DMD: variants seen among roughly 807,000 people sequenced by gnomAD.
DMD encodes mutant dystrophin.
In DMD, 63 loss-of-function variants were observed where a neutral mutation model predicts 330.1. The observed-to-expected ratio is 0.19, with a 90% CI of 0.16 to 0.24. The LOEUF (loss-of-function observed/expected upper bound fraction) is 0.24. Ranked by LOEUF, DMD falls within the 10% of genes least tolerant of loss-of-function variation. The probability of loss-of-function intolerance (pLI) is 1.00; values close to 1 mark genes in which losing one functional copy is unlikely to be tolerated. For synonymous variants in DMD, 1,223 were observed against 959.8 expected, an observed-to-expected ratio of 1.27 and a Z score of -5.07; for missense variants, 3,344 against 2,684.1, an observed-to-expected ratio of 1.25 and a Z score of -5.43.
chrX:31,856,107 G>A (rs1027109560), intron 48 of DMD, among the ~76,000 whole-genome samples: 3 of 111,870 alleles, frequency 2.7e-5, no homozygotes, highest in African/African-American at 9.7e-5. Context: ...GTAAGAGAAA[G>A]TAAACAATCC....
At chrX:31,850,864 A>G (rs1360118435) in intron 48 of DMD, among the ~76,000 whole-genome samples, 1 of 112,727 alleles carries the variant, frequency 8.9e-6, no homozygotes, top group East Asian at 2.8e-4. Flanking sequence ...GATTTCTGGG[A>G]CAAAAAAACC....
intron 2 of DMD, among the ~76,000 whole-genome samples, chrX:32,992,906 C>CAAAAAAA (rs34177386): frequency 0.013 from 451 of 35,488 alleles, 12 homozygotes; most frequent in African/African-American, 0.037. Context: ...AGCTCTGTCT[C>CAAAAAAA]AAAAAAAAAA....
At chrX:33,020,312 T>A in intron 1 of DMD, 112 bp from the exon 2 acceptor site, 1 of 511,903 alleles carries the variant, frequency 2.0e-6, no homozygotes, top group Non-Finnish European at 3.3e-6. Flanking sequence ...TTACATTTAG[T>A]ATTACATTCA....
At chrX:32,599,971 T>A (rs2056005281) in intron 12 of DMD, among the ~76,000 whole-genome samples, 1 of 112,382 alleles carries the variant, frequency 8.9e-6, no homozygotes, top group Non-Finnish European at 1.9e-5. Context: ...AATGCCTAGA[T>A]TGGACAAACA....
chrX:32,067,260 G>A (rs1410444121), intron 44 of DMD, among the ~76,000 whole-genome samples: 1 of 111,449 alleles, frequency 9.0e-6, no homozygotes, highest in Non-Finnish European at 1.9e-5. Flanking sequence ...GACATGACTT[G>A]ATACAAAGAA....
chrX:32,424,959 CA>C (rs1200189438), intron 29 of DMD, among the ~76,000 whole-genome samples: 1 of 111,402 alleles, frequency 9.0e-6, no homozygotes, highest in Non-Finnish European at 1.9e-5. Flanking sequence ...AAAGATAACG[CA>C]AAGAAAAATC....
intron 41 of DMD, among the ~76,000 whole-genome samples, chrX:32,318,833 G>A (rs765652829): frequency 5.4e-5 from 6 of 111,445 alleles, no homozygotes; most frequent in Non-Finnish European, 1.1e-4. Flanking sequence ...GGCTGTCAGC[G>A]AAAAAGATAT....
intron 1 of DMD, among the ~76,000 whole-genome samples, chrX:33,236,734 G>A (rs889065720): frequency 9.0e-6 from 1 of 110,779 alleles, no homozygotes; most frequent in African/African-American, 3.3e-5. Flanking sequence ...CAAACACCAG[G>A]GCAGAATGAT....
intron 38 of DMD, among the ~76,000 whole-genome samples, chrX:32,347,243 A>G (rs1010305610): frequency 8.9e-6 from 1 of 111,781 alleles, no homozygotes; most frequent in East Asian, 2.8e-4. Flanking sequence ...TACTTATTTT[A>G]AAAGGTGTTG....
At chrX:32,439,820 A>G (rs981268537) in intron 28 of DMD, among the ~76,000 whole-genome samples, 1 of 111,327 alleles carries the variant, frequency 9.0e-6, no homozygotes, top group Non-Finnish European at 1.9e-5. Context: ...GAACAATTTG[A>G]AATTATGACC....
intron 64 of DMD, among the ~76,000 whole-genome samples, chrX:31,210,173 T>A (rs1352043417): frequency 8.9e-6 from 1 of 112,207 alleles, no homozygotes. Flanking sequence ...TATGCATTTA[T>A]AATCATTAAG....
chrX:32,433,138 G>A (rs1020656077), intron 29 of DMD, among the ~76,000 whole-genome samples: 4 of 112,178 alleles, frequency 3.6e-5, no homozygotes, highest in Non-Finnish European at 5.6e-5. Context: ...TAATTAGTCA[G>A]CCATAATACT....
At chrX:32,252,221 T>C (rs1011943233) in intron 43 of DMD, among the ~76,000 whole-genome samples, 9 of 109,941 alleles carry the variant, frequency 8.2e-5, no homozygotes, top group Admixed American at 6.9e-4. Context: ...AAGACTTTGT[T>C]CATGTGACTC....
At chrX:33,009,519 T>C (rs1431588185) in intron 2 of DMD, among the ~76,000 whole-genome samples, 6 of 90,317 alleles carry the variant, frequency 6.6e-5, no homozygotes, top group African/African-American at 2.4e-4. Context: ...TATACACATA[T>C]GTGTGTATGT....
intron 21 of DMD, among the ~76,000 whole-genome samples, chrX:32,482,010 G>C (rs1430306058): frequency 8.9e-6 from 1 of 111,784 alleles, no homozygotes; most frequent in African/African-American, 3.2e-5. Flanking sequence ...CACTGGCTTT[G>C]TCATAACTAA....
At chrX:31,630,373 T>A (rs1018983863) in intron 54 of DMD, among the ~76,000 whole-genome samples, 1 of 112,008 alleles carries the variant, frequency 8.9e-6, no homozygotes, top group African/African-American at 3.2e-5. Context: ...AAAAATTCGA[T>A]GGCAATAACA....
At chrX:32,040,017 C>T (rs1189932431) in intron 44 of DMD, among the ~76,000 whole-genome samples, 1 of 111,971 alleles carries the variant, frequency 8.9e-6, no homozygotes, top group African/African-American at 3.2e-5. Context: ...ATTACATTGA[C>T]ACTAGTTTTG....
At chrX:33,089,140 A>ACTGCAACCTCTGCCTCC (rs2095051283) in intron 1 of DMD, among the ~76,000 whole-genome samples, 1 of 99,980 alleles carries the variant, frequency 1.0e-5, no homozygotes. Context: ...ATCTCGGCTC[A>ACTGCAACCTCTGCCTCC]CTGCAACCTC....
chrX:33,016,907 C>T (rs2093814223), intron 2 of DMD, among the ~76,000 whole-genome samples: 1 of 111,799 alleles, frequency 8.9e-6, no homozygotes, highest in Admixed American at 9.6e-5. Flanking sequence ...TCATATTTGT[C>T]ATAGAGTATA....
Sources: gnomAD v4.1 joint callset for allele counts (sites outside exome capture counted in the v4.1 genomes callset) on GRCh38, gnomAD v4.1.1 for gene constraint, MANE v1.5 for transcripts, NCBI Gene and HGNC (gene_info 2026-07-23, HGNC 2026-07-21) for gene names.